Variants in MYO7A observed in about 807,000 individuals in gnomAD.
The protein encoded by MYO7A is myosin VIIA.
A neutral mutation model predicts 263.8 loss-of-function variants in MYO7A; 210 were observed. The ratio of observed to expected loss-of-function variants is 0.80; its 90% CI spans 0.71 to 0.89. MYO7A has a LOEUF of 0.89. Ranked by LOEUF, MYO7A falls within the 40% of genes least tolerant of loss-of-function variation. The pLI is 0.00. For synonymous variants in MYO7A, 1,239 were observed against 1,197.3 expected, an observed-to-expected ratio of 1.03 and a Z score of -0.72; for missense variants, 2,820 against 2,968.3, an observed-to-expected ratio of 0.95 and a Z score of 1.16.
At chr11:77,179,523 C>T (rs535731580) in intron 20 of MYO7A, among the ~76,000 whole-genome samples, 13 of 152,326 alleles carry the variant, frequency 8.5e-5, no homozygotes, top group Middle Eastern at 3.4e-3. Flanking sequence ...GGGGCCCCAA[C>T]TCAGGGAGAG....
At chr11:77,198,461 A>T (rs369602266) in intron 33 of MYO7A, 34 bp from the exon 34 acceptor site, 90 of 1,607,906 alleles carry the variant, frequency 5.6e-5, no homozygotes, top group Middle Eastern at 3.3e-4. Flanking sequence ...TGGGTGTGGG[A>T]GGCCTGCCTC....
chr11:77,159,408 C>A, intron 9 of MYO7A, 39 bp from the exon 10 acceptor site: 5 of 1,058,112 alleles, frequency 4.7e-6, no homozygotes, highest in Admixed American at 1.8e-5. Flanking sequence ...CTGTTGCCCA[C>A]CCTCCCTCCC....
chr11:77,182,167 T>C lies in MYO7A; in HGVS notation c.3108+13T>C, dbSNP rs559771239. 2 of 1,612,874 alleles carry C rather than the reference T, an allele frequency of 1.2e-6. No homozygotes were observed. Among genetic ancestry groups the C allele is most frequent in the African/African-American group, 1.3e-5 (1 of 75,028 alleles). ...GGGTGACCAGCTGGTAAGGCCTGCCTGTCACTAGGTCACTGCTGGGTGGGG... is the reference window on the plus strand; with the variant it reads ...GGGTGACCAGCTGGTAAGGCCTGCCCGTCACTAGGTCACTGCTGGGTGGGG... On this transcript the variant is annotated intron_variant, in intron 24 of 48. Transcript: ENST00000409709.
In MYO7A at chr11:77,179,586, T is replaced by TG. The variant is rs59561714; in HGVS notation, c.2368-142dup. On this transcript the variant is annotated intron_variant, in intron 20 of 48. Coordinates refer to ENST00000409709, the MANE Select transcript of MYO7A (RefSeq NM_000260.4). ...GAGAGGAAACAGAACTTTCTAACGATGGGGGGGCACTAATCTGAGAGGAGA... is the reference window on the plus strand; with the variant it reads ...GAGAGGAAACAGAACTTTCTAACGATGGGGGGGGCACTAATCTGAGAGGAGA... 1.2e-3 allele frequency: 803 copies of TG among 663,332 alleles called. 6 individuals carry two copies. Among genetic ancestry groups the TG allele is most frequent in the African/African-American group, 0.012 (650 of 54,918 alleles). The allele number at this position is 663,332 out of a possible 1,614,324, so 41.1% of individuals were successfully genotyped here.
At chr11:77,189,845 G>C (rs545517132) in intron 28 of MYO7A, among the ~76,000 whole-genome samples, 175 bp from the exon 29 acceptor site, 3 of 152,362 alleles carry the variant, frequency 2.0e-5, no homozygotes, top group Middle Eastern at 3.4e-3. Flanking sequence ...AGCGGGAGGT[G>C]GGGGAGGCCA....
chr11:77,184,698 C>A lies in MYO7A; in HGVS notation c.3486C>A (p.Ile1162=). The change falls in exon 27 of 49, where the codon ATC becomes ATA. Residue 1162 remains isoleucine (I), a synonymous_variant. Transcript: ENST00000409709. The part of the protein sequence containing the change: ...EKLHFIIGNG[I]LRPALRDEIY... ...TGCACTTCATCATCGGCAATGGCAT[C>A]CTGCGGCCAGCACTCCGGTCAGTGC... 6.2e-7 allele frequency: 1 copy of A among 1,600,338 alleles called. No individual in the cohort carries two copies. Among genetic ancestry groups the A allele is most frequent in the Non-Finnish European group, 8.5e-7 (1 of 1,173,112 alleles).
At chr11:77,187,389 T>C (rs1955725842) in intron 27 of MYO7A, among the ~76,000 whole-genome samples, 3 of 151,628 alleles carry the variant, frequency 2.0e-5, no homozygotes, top group African/African-American at 7.3e-5. Context: ...ACCTCATACA[T>C]AGGCTTGTGG....
Position 77,206,130 on chromosome 11 carries a change from G to A in MYO7A, c.5670G>A (p.Val1890=). ...CCCGGAAGTACCCTCCGCACCTGGT[G>A]GAGGTGGAGGCCATCCAGCACAAGA... is the stretch of plus-strand genomic sequence containing the variant. ...NGSRKYPPHL[V]EVEAIQHKTT... is the part of the protein sequence containing the mutation. The change falls in exon 41 of 49, where the codon GTG becomes GTA. Residue 1890 remains valine, a synonymous_variant. Transcript: ENST00000409709. 1 of 1,613,402 alleles carries A rather than the reference G, an allele frequency of 6.2e-7. No individual in the cohort carries two copies. Among genetic ancestry groups the A allele is most frequent in the East Asian group, 2.2e-5 (1 of 44,832 alleles).
At chr11:77,191,118 G>A (rs975519438) in intron 30 of MYO7A, 5 of 394,702 alleles carry the variant, frequency 1.3e-5, no homozygotes, top group East Asian at 8.3e-5. Flanking sequence ...TCAGGAGTTC[G>A]AGACCAGCCT....
chr11:77,192,199 C>T lies in MYO7A; in HGVS notation c.4073C>T (p.Ser1358Phe). The T allele has an allele frequency of 6.2e-7, 1 of 1,614,058 alleles. No homozygotes were observed. Among genetic ancestry groups the T allele is most frequent in the Non-Finnish European group, 8.5e-7 (1 of 1,179,906 alleles). ...KEVFTPWHSP[S>F]EDNVATNLIY... ...GTCTTCACGCCCTGGCACAGCCCCTCCGAGGACAACGTGGCCACCAACCTC... is the reference window on the plus strand; with the variant it reads ...GTCTTCACGCCCTGGCACAGCCCCTTCGAGGACAACGTGGCCACCAACCTC... The change falls in exon 31 of 49, where the codon TCC becomes TTC. Residue 1358 changes from serine (S) to phenylalanine (F), a missense_variant. Ser to Phe is a radical substitution (Grantham distance 155). Transcript: ENST00000409709.
chr11:77,190,178 G>T, intron 29 of MYO7A, 39 bp downstream of exon 29: 18 of 1,512,538 alleles, frequency 1.2e-5, no homozygotes, highest in Non-Finnish European at 1.6e-5. Flanking sequence ...GTGCATGTGT[G>T]CGCACGTGTG....
intron 3 of MYO7A, among the ~76,000 whole-genome samples, chr11:77,146,817 A>G (rs1951600812): frequency 6.6e-6 from 1 of 151,964 alleles, no homozygotes; most frequent in Non-Finnish European, 1.5e-5. Context: ...CAATGGCCAC[A>G]CTTCCCTGAG....
Position 77,214,610 on chromosome 11 carries a change from T to C in MYO7A, c.6562T>C (p.Tyr2188His). The C allele has an allele frequency of 6.3e-7, 1 of 1,575,960 alleles. No homozygotes were observed. Among genetic ancestry groups the C allele is most frequent in the Non-Finnish European group, 8.6e-7 (1 of 1,159,924 alleles). ...ATCTTCTCACCCCTGCTTCCAGGGC[T>C]ACAAGATGGATGACCTCCTGACTTC... ...SKLLCETSLG[Y>H]KMDDLLTSYI... The change falls in exon 49 of 49, where the codon TAC becomes CAC. Residue 2188 changes from tyrosine to histidine, a missense_variant. By Grantham distance (83) the Tyr-to-His change is moderately conservative. Coordinates refer to ENST00000409709, the MANE Select transcript of MYO7A (RefSeq NM_000260.4).
In MYO7A at chr11:77,214,796, C is replaced by T. The variant is rs758099500; in HGVS notation, c.*100C>T. On this transcript the variant is annotated 3_prime_UTR_variant, in exon 49 of 49. Coordinates refer to ENST00000409709, the MANE Select transcript of MYO7A (RefSeq NM_000260.4). ...CAGCTGGGGAAGACTTATGCCATCCCGGCAGCGAGGCTGGGCTGGCCAGCC... is the reference window on the plus strand; with the variant it reads ...CAGCTGGGGAAGACTTATGCCATCCTGGCAGCGAGGCTGGGCTGGCCAGCC... The T allele has an allele frequency of 2.1e-4, 217 of 1,029,452 alleles. 2 individuals carry two copies. The East Asian group carries it at 4.3e-3, about 20-fold the overall frequency. The allele number at this position is 1,029,452 out of a possible 1,614,324, so 63.8% of individuals were successfully genotyped here.
In MYO7A at chr11:77,212,933, T is replaced by C. The variant is rs1481052854; in HGVS notation, c.6355-19T>C. On this transcript the variant is annotated intron_variant, in intron 46 of 48. Coordinates refer to ENST00000409709, the MANE Select transcript of MYO7A (RefSeq NM_000260.4). ...TTGCTCTGGGCCCCCATCTGATGCC[T>C]TCTCATCTTTTTTTCTAGCAAACTA... The C allele has an allele frequency of 6.4e-7, 1 of 1,568,948 alleles. No individual in the cohort carries two copies. The highest frequency in any genetic ancestry group is 1.2e-5 in the South Asian group (1 of 85,376).
At chr11:77,206,779 C>A (rs1298246705) in intron 41 of MYO7A, among the ~76,000 whole-genome samples, 1 of 152,212 alleles carries the variant, frequency 6.6e-6, no homozygotes, top group African/African-American at 2.4e-5. Flanking sequence ...ATTTATGAAA[C>A]TTGTCTGAGG....
In MYO7A at chr11:77,214,698, C is replaced by T. The variant is rs1018553285; in HGVS notation, c.*2C>T. 5 of 1,566,524 alleles carry T rather than the reference C, an allele frequency of 3.2e-6. No homozygotes were observed. Among genetic ancestry groups the T allele is most frequent in the African/African-American group, 1.4e-5 (1 of 71,690 alleles). On this transcript the variant is annotated 3_prime_UTR_variant, in exon 49 of 49. Transcript: ENST00000409709. Reference sequence around the variant, plus strand: ...CGGGGCTCCAGGAGCGGCAAGTGAACAGTCACGGGGAGGTGCTGGTTCCAT... The same window carrying T: ...CGGGGCTCCAGGAGCGGCAAGTGAATAGTCACGGGGAGGTGCTGGTTCCAT...
At chr11:77,200,746 C>T (rs1957009487) in intron 35 of MYO7A, among the ~76,000 whole-genome samples, 1 of 152,248 alleles carries the variant, frequency 6.6e-6, no homozygotes, top group African/African-American at 2.4e-5. Context: ...TCCCTCCCTT[C>T]TTCTGGCTCT....
chr11:77,162,008 C>T lies in MYO7A; in HGVS notation c.1344-112C>T. On this transcript the variant is annotated intron_variant, in intron 12 of 48. Coordinates refer to ENST00000409709, the MANE Select transcript of MYO7A (RefSeq NM_000260.4). ...TCCCCTCGCCTCTGAGTTTGGAGTC[C>T]ATGATGGGGATAGCTTGCTAATGGC... 2 of 985,380 alleles carry T rather than the reference C, an allele frequency of 2.0e-6. 1 individual carries two copies. Among genetic ancestry groups the T allele is most frequent in the Non-Finnish European group, 3.0e-6 (2 of 658,156 alleles). 61.0% of individuals were successfully genotyped at this position (985,380 alleles called of 1,614,324 possible).
Sources: allele counts gnomAD v4.1 joint callset (sites outside exome capture counted in the v4.1 genomes callset), GRCh38; gene constraint gnomAD v4.1.1; transcripts MANE v1.5; gene names NCBI Gene and HGNC (gene_info 2026-07-23, HGNC 2026-07-21).